The following ALDH1A2 variants were observed in gnomAD, a reference collection of about 807,000 sequenced individuals.
ALDH1A2 encodes the protein retinal dehydrogenase 2.
A neutral mutation model predicts 60.3 loss-of-function variants in ALDH1A2; 27 were observed. The ratio of observed to expected loss-of-function variants is 0.45; its 90% confidence interval spans 0.33 to 0.62. The LOEUF (loss-of-function observed/expected upper bound fraction) is 0.62, where lower values mean the gene tolerates loss of function less well. Ranked by LOEUF, ALDH1A2 falls within the 20% of genes least tolerant of loss-of-function variation. The probability of loss-of-function intolerance (pLI) is 0.02; values close to 1 mark genes in which losing one functional copy is unlikely to be tolerated. For synonymous variants in ALDH1A2, 289 were observed against 232.4 expected (o/e 1.24, Z -2.21); for missense variants, 581 against 643.8 (o/e 0.90, Z 1.06).
intron 4 of ALDH1A2, among the ~76,000 whole-genome samples, chr15:58,009,863 G>C (rs916159147): frequency 3.3e-5 from 5 of 152,064 alleles, no homozygotes; most frequent in African/African-American, 1.2e-4. Flanking sequence ...TCTTGGGGTT[G>C]CTGTGAAAGC....
intron 9 of ALDH1A2, among the ~76,000 whole-genome samples, chr15:57,963,385 G>A (rs546750223): frequency 3.6e-5 from 5 of 137,146 alleles, no homozygotes; most frequent in East Asian, 2.1e-4. Flanking sequence ...TTGCTCTTTC[G>A]CCCAGGCTGG....
intron 1 of ALDH1A2, among the ~76,000 whole-genome samples, chr15:58,025,175 A>G (rs1236598839): frequency 6.6e-6 from 1 of 152,162 alleles, no homozygotes; most frequent in African/African-American, 2.4e-5. Flanking sequence ...AAGAAAATAA[A>G]TAATAAAGAT....
At chr15:58,065,274 G>C in intron 1 of ALDH1A2, 1 of 509,298 alleles carries the variant, frequency 2.0e-6, no homozygotes, top group Non-Finnish European at 3.6e-6. Context: ...TCAGAGTCCG[G>C]GGCAGGAGCC....
chr15:57,979,375 G>A (rs1348261687), intron 7 of ALDH1A2, among the ~76,000 whole-genome samples: 1 of 152,198 alleles, frequency 6.6e-6, no homozygotes, highest in Non-Finnish European at 1.5e-5. Context: ...AGTGGGAAGA[G>A]GCAAGGCAAC....
chr15:58,055,166 G>A (rs1186116037), intron 1 of ALDH1A2, among the ~76,000 whole-genome samples: 4 of 151,958 alleles, frequency 2.6e-5, no homozygotes, highest in African/African-American at 9.7e-5. Context: ...TTGAGTCCTG[G>A]AATTGCCACC....
rs188596129 is a variant in ALDH1A2 at position 58,043,030 on chromosome 15, G to A, written c.117+22504C>T. ...AGTCTTATTTTCTTCTACAGCACAG[G>A]AGGAGGAGGAAAAGGAAGAGGTGAA... On this transcript the variant is annotated intron_variant, in intron 1 of 12. Coordinates refer to ENST00000249750, the MANE Select transcript of ALDH1A2 (RefSeq NM_003888.4). Among the ~76,000 whole-genome samples, 465 of 152,016 alleles carry A rather than the reference G, an allele frequency of 3.1e-3. 3 individuals are homozygous for A. Among genetic ancestry groups the A allele is most frequent in the African/African-American group, 0.011 (446 of 41,492 alleles).
chr15:58,034,084 T>G (rs1446248840), intron 1 of ALDH1A2, among the ~76,000 whole-genome samples: 1 of 151,730 alleles, frequency 6.6e-6, no homozygotes, highest in Non-Finnish European at 1.5e-5. Flanking sequence ...TGGGAAGAAA[T>G]GACATCTTAA....
At chr15:57,956,153 A>G (rs1438323573) in intron 12 of ALDH1A2, among the ~76,000 whole-genome samples, 1 of 152,168 alleles carries the variant, frequency 6.6e-6, no homozygotes, top group East Asian at 1.9e-4. Flanking sequence ...AACATAGGGT[A>G]TAGCCTACAA....
chr15:58,056,057 A>T (rs1244866104), intron 1 of ALDH1A2, among the ~76,000 whole-genome samples: 1 of 152,128 alleles, frequency 6.6e-6, no homozygotes, highest in African/African-American at 2.4e-5. Flanking sequence ...CACATGAGCA[A>T]GAGTACAACC....
intron 4 of ALDH1A2, among the ~76,000 whole-genome samples, chr15:57,996,889 T>C (rs1172296178): frequency 3.3e-5 from 5 of 152,060 alleles, no homozygotes; most frequent in Non-Finnish European, 7.4e-5. Flanking sequence ...TGTTTAATGA[T>C]AGAGTGAACA....
chr15:58,051,460 C>T (rs1896778068), intron 1 of ALDH1A2, among the ~76,000 whole-genome samples: 1 of 151,994 alleles, frequency 6.6e-6, no homozygotes, highest in South Asian at 2.1e-4. Context: ...CCCTATTTGC[C>T]ATTTAAACAC....
chr15:57,983,626 T>G (rs769158), intron 7 of ALDH1A2, among the ~76,000 whole-genome samples: 3,065 of 152,298 alleles, frequency 0.02, 102 homozygotes, highest in African/African-American at 0.064. Context: ...AAAATTATAT[T>G]AAATGACAGA....
chr15:57,964,680 T>C (rs1893837134), intron 8 of ALDH1A2: 1 of 153,154 alleles, frequency 6.5e-6, no homozygotes, highest in Non-Finnish European at 1.5e-5. Context: ...AAATTTCCTC[T>C]AGATTGACAT....
chr15:58,029,364 G>A (rs984731553), intron 1 of ALDH1A2, among the ~76,000 whole-genome samples: 2 of 151,986 alleles, frequency 1.3e-5, no homozygotes, highest in African/African-American at 2.4e-5. Flanking sequence ...AAGACACAAC[G>A]TACCAGAATC....
chr15:57,975,829 A>G (rs1231927698), intron 7 of ALDH1A2, among the ~76,000 whole-genome samples: 1 of 152,052 alleles, frequency 6.6e-6, no homozygotes, highest in Admixed American at 6.6e-5. Flanking sequence ...GGGGGTGGAG[A>G]GAGAGATAAG....
chr15:58,059,242 C>T (rs1896965033), intron 1 of ALDH1A2, among the ~76,000 whole-genome samples: 1 of 152,182 alleles, frequency 6.6e-6, no homozygotes, highest in Admixed American at 6.5e-5. Flanking sequence ...TTACAGCAAT[C>T]ACCTCTACGT....
At chr15:58,058,535 G>A (rs1229269127) in intron 1 of ALDH1A2, among the ~76,000 whole-genome samples, 3 of 149,666 alleles carry the variant, frequency 2.0e-5, no homozygotes, top group Admixed American at 2.0e-4. Context: ...ATAGATGGAT[G>A]AAAATAATGT....
At chr15:57,987,251 A>T (rs1316790106) in intron 7 of ALDH1A2, among the ~76,000 whole-genome samples, 2 of 152,168 alleles carry the variant, frequency 1.3e-5, no homozygotes, top group African/African-American at 2.4e-5. Flanking sequence ...AAAGCAAAAA[A>T]AAAAGATTTG....
chr15:58,018,605 AG>A (rs750092900), intron 1 of ALDH1A2, among the ~76,000 whole-genome samples: 17 of 152,190 alleles, frequency 1.1e-4, no homozygotes, highest in Non-Finnish European at 2.2e-4. Context: ...TTTATGTTGG[AG>A]AAACTTGGCA....
Sources: gnomAD v4.1 joint callset for allele counts (sites outside exome capture counted in the v4.1 genomes callset) on GRCh38, gnomAD v4.1.1 for gene constraint, MANE v1.5 for transcripts, NCBI Gene and HGNC (gene_info 2026-07-23, HGNC 2026-07-21) for gene names.